BBS10: variants seen among roughly 807,000 people sequenced by gnomAD.
BBS10 encodes the protein BBSome complex assembly protein BBS10.
In BBS10, 13 loss-of-function variants were observed where a neutral mutation model predicts 12.7. The observed-to-expected ratio is 1.03, with a 90% confidence interval of 0.67 to 1.63. The LOEUF (loss-of-function observed/expected upper bound fraction) is 1.63, where lower values mean the gene tolerates loss of function less well. BBS10 is among the 40% of genes most tolerant of loss of function. The pLI is 0.00. For missense variants in BBS10, 858 were observed against 858.0 expected, an observed-to-expected ratio of 1.00 and a Z score of 0.00; for synonymous variants, 294 against 304.8, an observed-to-expected ratio of 0.96 and a Z score of 0.37.
chr12:76,347,275 G>C lies in BBS10; in HGVS notation c.710C>G (p.Ala237Gly). 6.2e-7 allele frequency: 1 copy of C among 1,613,658 alleles called. No homozygotes were observed. The highest frequency in any genetic ancestry group is 8.5e-7 in the Non-Finnish European group (1 of 1,180,020). ...GLPVSDSRII[A>G]GLVLQKDFSV... ...AAAATCTTTCTGAAGCACAAGACCA[G>C]CTATGATCCTGGAATCTGAAACAGG... Residue 237 changes from alanine (A) to glycine (G), a missense_variant, in exon 2 of 2, where the codon GCT becomes GGT. Transcript: ENST00000650064.
At position 76,347,239 on chromosome 12, in the gene BBS10, C is replaced by T; in HGVS notation, c.746G>A (p.Arg249His). The change falls in exon 2 of 2, where the codon CGC becomes CAC. Residue 249 changes from arginine (R) to histidine (H), a missense_variant. By Grantham distance (29) the Arg-to-His change is conservative. Transcript: ENST00000650064. ...CATTCGCATGTCACCATCTGCTGGG[C>T]GGTACACAGAAAAATCTTTCTGAAG... Reference protein sequence around the residue: ...LVLQKDFSVYRPADGDMRMVI... With the variant: ...LVLQKDFSVYHPADGDMRMVI... The T allele has an allele frequency of 6.2e-7, 1 of 1,612,640 alleles. No homozygotes were observed.
rs1216160341 is a variant in BBS10 at position 76,348,387 on chromosome 12, C to T, written c.-29G>A. ...TGGGCCGCTTCCCCTTTTTGACCAGCTTGCAGAACACCCGGGCCGACCGAA... is the reference window on the plus strand; with the variant it reads ...TGGGCCGCTTCCCCTTTTTGACCAGTTTGCAGAACACCCGGGCCGACCGAA... On this transcript the variant is annotated 5_prime_UTR_variant, in exon 1 of 2. Coordinates refer to ENST00000650064, the MANE Select transcript of BBS10 (RefSeq NM_024685.4). 9.0e-6 allele frequency: 14 copies of T among 1,553,580 alleles called. No individual in the cohort carries two copies. Among genetic ancestry groups the T allele is most frequent in the Non-Finnish European group, 5.2e-6 (6 of 1,150,292 alleles).
Position 76,347,229 on chromosome 12 carries a change from A to G in BBS10, c.756T>C (p.Asp252=), listed in dbSNP as rs762540567. The G allele has an allele frequency of 5.0e-6, 8 of 1,612,566 alleles. No individual in the cohort carries two copies. The highest frequency in any genetic ancestry group is 3.4e-6 in the Non-Finnish European group (4 of 1,180,010). The change falls in exon 2 of 2, where the codon GAT becomes GAC. Residue 252 remains aspartate (D), a synonymous_variant. Coordinates refer to ENST00000650064, the MANE Select transcript of BBS10 (RefSeq NM_024685.4). Reference sequence around the variant, plus strand: ...TTACTATCACCATTCGCATGTCACCATCTGCTGGGCGGTACACAGAAAAAT... The same window carrying G: ...TTACTATCACCATTCGCATGTCACCGTCTGCTGGGCGGTACACAGAAAAAT... ...QKDFSVYRPA[D]GDMRMVIVTE... is the part of the protein sequence containing the mutation.
Position 76,346,328 on chromosome 12 carries a change from T to C in BBS10, c.1657A>G (p.Asn553Asp), listed in dbSNP as rs1469496978. Residue 553 changes from asparagine to aspartate, a missense_variant, in exon 2 of 2, where the codon AAT becomes GAT. Asn to Asp is a conservative substitution (Grantham distance 23). Transcript: ENST00000650064. ...TTTTCGTAAGAAATTTCTATTCTAT[T>C]TCCCCTTGTTGAATAAGCAGTGGAA... ...NNSTAYSTRG[N>D]RIEISYENLQ... 4 of 1,613,934 alleles carry C rather than the reference T, an allele frequency of 2.5e-6. No homozygotes were observed. In the African/African-American group the frequency reaches 5.3e-5, roughly 22 times the overall value.
In BBS10 at chr12:76,344,939, A is replaced by G. The variant is rs1384512474; in HGVS notation, c.*874T>C. ...ATGAAATAAATTAGAAATAAAAATT[A>G]AAAATAAAACAGAAATAAACATTAG... On this transcript the variant is annotated 3_prime_UTR_variant, in exon 2 of 2. Transcript: ENST00000650064. 1 of 152,206 alleles carries G rather than the reference A, an allele frequency of 6.6e-6. No homozygotes were observed. Among genetic ancestry groups the G allele is most frequent in the African/African-American group, 2.4e-5 (1 of 41,470 alleles). 9.4% of individuals were successfully genotyped at this position (152,206 alleles called of 1,614,324 possible).
At chr12:76,347,814 C>A in intron 1 of BBS10, 27 bp from the exon 2 acceptor site, 1 of 1,596,934 alleles carries the variant, frequency 6.3e-7, no homozygotes, top group South Asian at 1.1e-5. Context: ...TAAAGCAACT[C>A]ATTTTCAGAA....
In BBS10 at chr12:76,346,854, T is replaced by A. The variant is rs2136090578; in HGVS notation, c.1131A>T (p.Arg377Ser). The change falls in exon 2 of 2, where the codon AGA becomes AGT. Residue 377 changes from arginine to serine, a missense_variant. Transcript: ENST00000650064. ...AGCCTAGATGAACATATCTTTTGGATCTAAGGATAAGAGGTTTACAAAATT... is the reference window on the plus strand; with the variant it reads ...AGCCTAGATGAACATATCTTTTGGAACTAAGGATAAGAGGTTTACAAAATT... ...LVKFCKPLILRSKRYVHLGLI... is the reference protein window; with the variant it reads ...LVKFCKPLILSSKRYVHLGLI... 6.2e-7 allele frequency: 1 copy of A among 1,613,956 alleles called. No individual in the cohort carries two copies. Among genetic ancestry groups the A allele is most frequent in the East Asian group, 2.2e-5 (1 of 44,874 alleles).
In BBS10 at chr12:76,347,253, ATCTT is replaced by A. The variant is rs786204671; in HGVS notation, c.728_731del (p.Lys243IlefsTer15). 3.7e-6 allele frequency: 6 copies of A among 1,613,140 alleles called. No homozygotes were observed. The African/African-American group carries it at 5.3e-5, about 14-fold the overall frequency. The stretch of plus-strand genomic sequence containing the variant: ...CATCTGCTGGGCGGTACACAGAAAA[ATCTT>A]TCTGAAGCACAAGACCAGCTATGAT... On this transcript the variant is annotated frameshift_variant, in exon 2 of 2. Transcript: ENST00000650064. LOFTEE classifies it low-confidence loss of function (END_TRUNC).
Position 76,347,058 on chromosome 12 carries a change from G to A in BBS10, c.927C>T (p.Leu309=). The A allele has an allele frequency of 6.2e-7, 1 of 1,613,230 alleles. No homozygotes were observed. The highest frequency in any genetic ancestry group is 8.5e-7 in the Non-Finnish European group (1 of 1,179,964). The change falls in exon 2 of 2, where the codon CTC becomes CTT. Residue 309 remains leucine, a synonymous_variant. Coordinates refer to ENST00000650064, the MANE Select transcript of BBS10 (RefSeq NM_024685.4). The part of the protein sequence containing the change: ...KHLHSQNVKL[L]ISSVKQPDLV... ...AATCTGGTTGTTTCACACTAGATATGAGCAATTTTACATTCTGACTATGTA... is the reference window on the plus strand; with the variant it reads ...AATCTGGTTGTTTCACACTAGATATAAGCAATTTTACATTCTGACTATGTA...
chr12:76,346,669 TG>T lies in BBS10; in HGVS notation c.1315del (p.Gln439LysfsTer49), dbSNP rs1592491950. The stretch of plus-strand genomic sequence containing the variant: ...AATAAAAAGACTTGAAGTGCCATTT[TG>T]GTCATTGGTTTGTGTCATGTAATTT... ...DLNYMTQTND[Q>X]NGTSSLFIYK... On this transcript the variant is annotated frameshift_variant, in exon 2 of 2. Coordinates refer to ENST00000650064, the MANE Select transcript of BBS10 (RefSeq NM_024685.4). LOFTEE classifies it low-confidence loss of function (END_TRUNC). 1 of 1,614,074 alleles carries T rather than the reference TG, an allele frequency of 6.2e-7. No individual in the cohort carries two copies. The highest frequency in any genetic ancestry group is 1.6e-4 in the Middle Eastern group (1 of 6,062).
rs2136089424 is a variant in BBS10, at chr12:76,345,517, A to G, written c.*296T>C. 1 of 322,026 alleles carries G rather than the reference A, an allele frequency of 3.1e-6. No individual in the cohort carries two copies. The highest frequency in any genetic ancestry group is 5.9e-6 in the Non-Finnish European group (1 of 168,352). The allele number at this position is 322,026 out of a possible 1,614,324, so 19.9% of individuals were successfully genotyped here. ...AGATACAGGAGAGTAAAAAGGAGCT[A>G]TAAAGAAAAACCCTCCCCTAAACAC... On this transcript the variant is annotated 3_prime_UTR_variant, in exon 2 of 2. Transcript: ENST00000650064.
rs939024065 is a variant in BBS10 at position 76,346,524 on chromosome 12, T to G, written c.1461A>C (p.Leu487Phe). 6.2e-7 allele frequency: 1 copy of G among 1,614,130 alleles called. No homozygotes were observed. Among genetic ancestry groups the G allele is most frequent in the Non-Finnish European group, 8.5e-7 (1 of 1,179,984 alleles). Residue 487 changes from leucine to phenylalanine, a missense_variant, in exon 2 of 2, where the codon TTA (leucine) becomes TTC (phenylalanine). Transcript: ENST00000650064. ...GAATTACCAAATTAGAATGTACTTTTAAATATGTTTGAGTTTTTTCCAATG... is the reference window on the plus strand; with the variant it reads ...GAATTACCAAATTAGAATGTACTTTGAAATATGTTTGAGTTTTTTCCAATG... Reference protein sequence around the residue: ...KDALEKTQTYLKVHSNLVIPD... With the variant: ...KDALEKTQTYFKVHSNLVIPD...
In BBS10 at chr12:76,348,065, A is replaced by T. The variant is rs943801252; in HGVS notation, c.197+97T>A. On this transcript the variant is annotated intron_variant, in intron 1 of 1. Coordinates refer to ENST00000650064, the MANE Select transcript of BBS10 (RefSeq NM_024685.4). ...GCATACAGCGGTTTCACCCGAGGTC[A>T]GTCTTTCTAAGTACGCATCGCCTCA... The T allele has an allele frequency of 3.1e-5, 43 of 1,381,708 alleles. 2 individuals are homozygous for T. In the South Asian group the frequency reaches 5.8e-4, roughly 19 times the overall value. 85.6% of individuals were successfully genotyped at this position (1,381,708 alleles called of 1,614,324 possible). A position where few individuals can be genotyped will look rare whatever the true frequency, so the allele number is the denominator to read the frequency against.
chr12:76,344,618 T>C lies in BBS10; in HGVS notation c.*1195A>G, dbSNP rs967997882. 4 of 152,180 alleles carry C rather than the reference T, an allele frequency of 2.6e-5. No homozygotes were observed. The highest frequency in any genetic ancestry group is 7.2e-5 in the African/African-American group (3 of 41,468). The allele number at this position is 152,180 out of a possible 1,614,324, so 9.4% of individuals were successfully genotyped here. A position where few individuals can be genotyped will look rare whatever the true frequency, so the allele number is the denominator to read the frequency against. On this transcript the variant is annotated 3_prime_UTR_variant, in exon 2 of 2. Coordinates refer to ENST00000650064, the MANE Select transcript of BBS10 (RefSeq NM_024685.4). ...ACATTTAATATAAAAAATTTTGATA[T>C]TATAGTTTTTAAAATACATTAGTCA...
rs886049837 is a variant in BBS10, at chr12:76,344,538, T to G, written c.*1275A>C. On this transcript the variant is annotated 3_prime_UTR_variant, in exon 2 of 2. Coordinates refer to ENST00000650064, the MANE Select transcript of BBS10 (RefSeq NM_024685.4). ...AAAGAGCTAATTTATTCTCTCCATA[T>G]TCACAGAAACAAAATAATGCATCAT... 1 of 152,172 alleles carries G rather than the reference T, an allele frequency of 6.6e-6. No homozygotes were observed. The highest frequency in any genetic ancestry group is 1.5e-5 in the Non-Finnish European group (1 of 68,018). 9.4% of individuals were successfully genotyped at this position (152,172 alleles called of 1,614,324 possible).
rs549089224 is a variant in BBS10 at position 76,346,209 on chromosome 12, T to C, written c.1776A>G (p.Ser592=). The C allele has an allele frequency of 1.1e-5, 17 of 1,612,006 alleles. No individual in the cohort carries two copies. The highest frequency in any genetic ancestry group is 9.9e-5 in the South Asian group (9 of 90,746). The change falls in exon 2 of 2, where the codon TCA becomes TCG. Residue 592 remains serine, a synonymous_variant. Coordinates refer to ENST00000650064, the MANE Select transcript of BBS10 (RefSeq NM_024685.4). Reference sequence around the variant, plus strand: ...GCAAAACACAACCAGCTGGCATAGATGAGGAAAGGTAACTCTGGGAAGTAC... The same window carrying C: ...GCAAAACACAACCAGCTGGCATAGACGAGGAAAGGTAACTCTGGGAAGTAC... ...NMGTSQSYLS[S]SMPAGCVLPV...
chr12:76,348,105 C>T (rs760754682), intron 1 of BBS10, 57 bp downstream of exon 1: 143 of 1,547,996 alleles, frequency 9.2e-5, no homozygotes, highest in Non-Finnish European at 1.1e-4. Flanking sequence ...GGGACAAGAG[C>T]TCCACAGAGG....
intron 1 of BBS10, 131 bp from the exon 2 acceptor site, chr12:76,347,918 C>G: frequency 1.7e-6 from 2 of 1,156,848 alleles, no homozygotes; most frequent in Non-Finnish European, 2.4e-6. Flanking sequence ...TTTTTCCTTT[C>G]TTGGAAAAAA....
At position 76,347,735 on chromosome 12, in the gene BBS10, T is replaced by C. The variant is rs2136091306; in HGVS notation, c.250A>G (p.Lys84Glu). 6.2e-7 allele frequency: 1 copy of C among 1,607,064 alleles called. No homozygotes were observed. The highest frequency in any genetic ancestry group is 2.2e-5 in the East Asian group (1 of 44,870). ...SHLKKTGDGA[K>E]TFIIFLCHLL... Reference sequence around the variant, plus strand: ...TGGCAAAGAAAGATAATAAATGTTTTTGCACCATCTCCTGTTTTTTTGAGA... The same window carrying C: ...TGGCAAAGAAAGATAATAAATGTTTCTGCACCATCTCCTGTTTTTTTGAGA... The change falls in exon 2 of 2, where the codon AAA (lysine) becomes GAA (glutamate). Residue 84 changes from lysine to glutamate, a missense_variant. Coordinates refer to ENST00000650064, the MANE Select transcript of BBS10 (RefSeq NM_024685.4).
Sources: gnomAD v4.1 joint callset for allele counts on GRCh38, gnomAD v4.1.1 for gene constraint, MANE v1.5 for transcripts, NCBI Gene and HGNC (gene_info 2026-07-23, HGNC 2026-07-21) for gene names.